The following DAPK1 variants were observed in gnomAD, a reference collection of about 807,000 sequenced individuals.
The protein encoded by DAPK1 is death associated protein kinase 1.
DAPK1 carries 56 observed loss-of-function variants against 144.9 expected under a neutral mutation model. The observed-to-expected ratio is 0.39, with a 90% confidence interval of 0.31 to 0.48. The LOEUF (loss-of-function observed/expected upper bound fraction) is 0.48, where lower values mean the gene tolerates loss of function less well. Ranked by LOEUF, DAPK1 falls within the 20% of genes least tolerant of loss-of-function variation. The pLI is 0.95. For missense variants in DAPK1, 1,454 were observed against 1,875.4 expected, an observed-to-expected ratio of 0.78 and a Z score of 4.15; for synonymous variants, 690 against 749.0, an observed-to-expected ratio of 0.92 and a Z score of 1.29.
intron 2 of DAPK1, among the ~76,000 whole-genome samples, chr9:87,535,717 T>C (rs1412299992): frequency 6.6e-6 from 1 of 152,176 alleles, no homozygotes; most frequent in East Asian, 1.9e-4. Flanking sequence ...ATAAATTCTT[T>C]GCAAAATCAT....
At chr9:87,529,584 A>C (rs758619411) in intron 2 of DAPK1, among the ~76,000 whole-genome samples, 11 of 152,198 alleles carry the variant, frequency 7.2e-5, no homozygotes, top group Non-Finnish European at 1.5e-4. Context: ...GATATATGGC[A>C]CAGTCTTTGG....
intron 2 of DAPK1, among the ~76,000 whole-genome samples, chr9:87,567,054 G>GAT (rs10658952): frequency 0.22 from 33,943 of 152,166 alleles, 4,437 homozygotes; most frequent in Non-Finnish European, 0.3. Flanking sequence ...TTAATCTGAA[G>GAT]ATATAGATGG....
chr9:87,499,185 A>G lies in DAPK1; in HGVS notation c.62+46A>G, dbSNP rs544762570. The stretch of plus-strand genomic sequence containing the variant: ...GTACCCTCCTGGATTGTGGAAATGC[A>G]TAACGATGGGGCCATTGGGTGGTAA... On this transcript the variant is annotated intron_variant, in intron 2 of 25. Coordinates refer to ENST00000408954, the MANE Select transcript of DAPK1 (RefSeq NM_004938.4). 1.7e-5 allele frequency: 25 copies of G among 1,508,588 alleles called. No individual in the cohort carries two copies. The South Asian group carries it at 2.0e-4, about 12-fold the overall frequency. 93.5% of individuals were successfully genotyped at this position (1,508,588 alleles called of 1,614,324 possible). A position where few individuals can be genotyped will look rare whatever the true frequency, so the allele number is the denominator to read the frequency against.
chr9:87,601,479 A>G (rs969634325), intron 2 of DAPK1, among the ~76,000 whole-genome samples: 3 of 151,374 alleles, frequency 2.0e-5, no homozygotes, highest in African/African-American at 4.9e-5. Flanking sequence ...AGTTGTATAC[A>G]TCGTTAGCAC....
chr9:87,702,907 A>T lies in DAPK1; in HGVS notation c.2872-122A>T, dbSNP rs372738122. The T allele has an allele frequency of 2.5e-4, 161 of 635,632 alleles. No individual in the cohort carries two copies. The African/African-American group carries it at 2.5e-3, about 10-fold the overall frequency. 39.4% of individuals were successfully genotyped at this position (635,632 alleles called of 1,614,324 possible). A position where few individuals can be genotyped will look rare whatever the true frequency, so the allele number is the denominator to read the frequency against. ...AAAAAACGTCAACAACAACAAAAAA[A>T]CCCACTCGTTCATCAAATCACCTGC... On this transcript the variant is annotated intron_variant, in intron 24 of 25. Transcript: ENST00000408954.
At chr9:87,579,841 C>T (rs1199527551) in intron 2 of DAPK1, among the ~76,000 whole-genome samples, 2 of 152,084 alleles carry the variant, frequency 1.3e-5, no homozygotes, top group African/African-American at 4.8e-5. Flanking sequence ...TTCATCCTTC[C>T]ATCCATTCCT....
At chr9:87,666,290 G>C (rs780291662) in intron 18 of DAPK1, among the ~76,000 whole-genome samples, 3 of 152,118 alleles carry the variant, frequency 2.0e-5, no homozygotes, top group African/African-American at 7.2e-5. Context: ...CCACATAGCC[G>C]GTGAGGGGTG....
intron 3 of DAPK1, among the ~76,000 whole-genome samples, chr9:87,608,486 T>C (rs1281500152): frequency 1.3e-5 from 2 of 152,198 alleles, no homozygotes; most frequent in Admixed American, 6.5e-5. Flanking sequence ...CTTCAGTAAA[T>C]ACCTAGAGAT....
At position 87,605,012 on chromosome 9, in the gene DAPK1, G is replaced by T; in HGVS notation, c.121G>T (p.Ala41Ser). 6.2e-7 allele frequency: 1 copy of T among 1,614,134 alleles called. No individual in the cohort carries two copies. The highest frequency in any genetic ancestry group is 8.5e-7 in the Non-Finnish European group (1 of 1,180,000). The change falls in exon 3 of 26, where the codon GCC (alanine) becomes TCC (serine). Residue 41 changes from alanine to serine, a missense_variant. By Grantham distance (99) the Ala-to-Ser change is moderately conservative. This residue lies in a region of DAPK1 where 429 missense variants were observed against 637.5 expected (regional missense o/e 0.67). Transcript: ENST00000408954. ...REKSTGLQYA[A>S]KFIKKRRTKS... ...GAAAAGCACCGGCCTCCAGTATGCC[G>T]CCAAATTCATCAAGAAAAGGAGGAC... is the stretch of plus-strand genomic sequence containing the variant.
intron 2 of DAPK1, among the ~76,000 whole-genome samples, chr9:87,521,868 A>C (rs1380297460): frequency 6.6e-6 from 1 of 152,206 alleles, no homozygotes; most frequent in Non-Finnish European, 1.5e-5. Flanking sequence ...GCCTTCATGA[A>C]TGGATTAATT....
At chr9:87,546,242 G>A (rs1450666244) in intron 2 of DAPK1, among the ~76,000 whole-genome samples, 1 of 152,204 alleles carries the variant, frequency 6.6e-6, no homozygotes, top group Non-Finnish European at 1.5e-5. Context: ...AGCATCCCAT[G>A]TGATGCAAGG....
chr9:87,554,690 A>G (rs1391371279), intron 2 of DAPK1, among the ~76,000 whole-genome samples: 1 of 152,152 alleles, frequency 6.6e-6, no homozygotes, highest in Non-Finnish European at 1.5e-5. Context: ...GAGATCGCTG[A>G]TCTCCATGGC....
At position 87,707,515 on chromosome 9, in the gene DAPK1, C is replaced by G. The variant is rs1478785766; in HGVS notation, c.*151C>G. 6 of 606,916 alleles carry G rather than the reference C, an allele frequency of 9.9e-6. No homozygotes were observed. The highest frequency in any genetic ancestry group is 1.7e-5 in the Non-Finnish European group (6 of 343,178). The allele number at this position is 606,916 out of a possible 1,614,324, so 37.6% of individuals were successfully genotyped here. A position where few individuals can be genotyped will look rare whatever the true frequency, so the allele number is the denominator to read the frequency against. On this transcript the variant is annotated 3_prime_UTR_variant, in exon 26 of 26. Transcript: ENST00000408954. The surrounding 1 kb of genome is among the most constrained non-coding windows in gnomAD (Gnocchi z 4.0). Reference sequence around the variant, plus strand: ...CCTCCCTCCGGCTTGACCTGTTTCTCTGCCGCTACCTCCCTCCCCGTCTCA... The same window carrying G: ...CCTCCCTCCGGCTTGACCTGTTTCTGTGCCGCTACCTCCCTCCCCGTCTCA...
At chr9:87,652,336 T>A in intron 17 of DAPK1, among the ~76,000 whole-genome samples, 1 of 114,092 alleles carries the variant, frequency 8.8e-6, no homozygotes. Flanking sequence ...TCCTCCCACC[T>A]GATCCCGGGT....
intron 2 of DAPK1, among the ~76,000 whole-genome samples, chr9:87,539,364 C>G (rs1825962030): frequency 1.3e-5 from 2 of 151,676 alleles, no homozygotes; most frequent in South Asian, 4.2e-4. Context: ...CCACATTTAA[C>G]CTCGATATGA....
chr9:87,568,202 G>A (rs1827202387), intron 2 of DAPK1, among the ~76,000 whole-genome samples: 2 of 152,262 alleles, frequency 1.3e-5, no homozygotes, highest in Non-Finnish European at 2.9e-5. Context: ...ATCTGAAGGG[G>A]CAGTCGCTAT....
chr9:87,649,594 C>G (rs917014986), intron 15 of DAPK1, among the ~76,000 whole-genome samples: 2 of 152,178 alleles, frequency 1.3e-5, no homozygotes, highest in Admixed American at 6.5e-5. Context: ...CTCTATTGTT[C>G]AGACAAGCAG....
intron 7 of DAPK1, among the ~76,000 whole-genome samples, chr9:87,640,095 C>G (rs1383658568): frequency 6.6e-6 from 1 of 152,230 alleles, no homozygotes; most frequent in African/African-American, 2.4e-5. Context: ...AGACGCTGTT[C>G]CAGATTAACT....
At position 87,542,720 on chromosome 9, in the gene DAPK1, C is replaced by T. The variant is rs57938760; in HGVS notation, c.62+43581C>T. Among the ~76,000 whole-genome samples, 1,393 of 152,242 alleles carry T rather than the reference C, an allele frequency of 9.1e-3. 23 individuals carry two copies. Among genetic ancestry groups the T allele is most frequent in the African/African-American group, 0.032 (1,327 of 41,530 alleles). ...AGTGGCTCAGTTACCTAAAGACAAACGGCCAGTGAGAAGGGGAAACTCAAG... is the reference window on the plus strand; with the variant it reads ...AGTGGCTCAGTTACCTAAAGACAAATGGCCAGTGAGAAGGGGAAACTCAAG... On this transcript the variant is annotated intron_variant, in intron 2 of 25. Transcript: ENST00000408954.
Sources: allele counts gnomAD v4.1 joint callset (sites outside exome capture counted in the v4.1 genomes callset), GRCh38; gene constraint gnomAD v4.1.1; regional missense constraint gnomAD v4.1.1; non-coding constraint Gnocchi (gnomAD v3.1); transcripts MANE v1.5; gene names NCBI Gene and HGNC (gene_info 2026-07-23, HGNC 2026-07-21).